FGGY: variants seen among roughly 807,000 people sequenced by gnomAD.
FGGY encodes the protein FGGY carbohydrate kinase domain containing, also known as FGGY carbohydrate kinase domain-containing protein.
In FGGY, 72 loss-of-function variants were observed where a neutral mutation model predicts 71.3. The ratio of observed to expected loss-of-function variants is 1.01; its 90% CI spans 0.84 to 1.23. The LOEUF is 1.23. Ranked by LOEUF, FGGY falls within the 50% of genes most tolerant of loss-of-function variation. The pLI is 0.00. For synonymous variants in FGGY, 251 were observed against 250.3 expected, an observed-to-expected ratio of 1.00 and a Z score of -0.02; for missense variants, 668 against 682.3, an observed-to-expected ratio of 0.98 and a Z score of 0.23.
At chr1:59,384,892 A>T (rs777901541) in intron 5 of FGGY, among the ~76,000 whole-genome samples, 1 of 152,184 alleles carries the variant, frequency 6.6e-6, no homozygotes, top group Non-Finnish European at 1.5e-5. Context: ...ATTCCAAAAA[A>T]ACTTTGGGTA....
intron 9 of FGGY, among the ~76,000 whole-genome samples, chr1:59,613,517 T>A (rs1273037420): frequency 1.3e-5 from 2 of 152,288 alleles, no homozygotes; most frequent in East Asian, 3.9e-4. Flanking sequence ...GGGAAATTTA[T>A]AGCACTAAAT....
At position 59,595,913 on chromosome 1, in the gene FGGY, T is replaced by C. The variant is rs571134131; in HGVS notation, c.904-11890T>C. 4.6e-4 allele frequency among the ~76,000 whole-genome samples: 70 copies of C among 152,288 alleles called. 1 individual carries two copies. The South Asian group carries it at 0.014, about 32-fold the overall frequency. On this transcript the variant is annotated intron_variant, in intron 8 of 15. Coordinates refer to ENST00000303721, the MANE Select transcript of FGGY (RefSeq NM_018291.5). ...CTGCTTCACATCGAAGGCATTTTGT[T>C]ATGATCTGTTCATAACAAAAGCTGC...
At chr1:59,466,167 A>G (rs2092612569) in intron 6 of FGGY, among the ~76,000 whole-genome samples, 1 of 152,218 alleles carries the variant, frequency 6.6e-6, no homozygotes, top group African/African-American at 2.4e-5. Context: ...ATATAGACCA[A>G]TGGAACAGAA....
chr1:59,309,325 T>C (rs2043902366), intron 1 of FGGY, among the ~76,000 whole-genome samples: 2 of 152,346 alleles, frequency 1.3e-5, no homozygotes, highest in South Asian at 4.1e-4. Flanking sequence ...TATTTTTCTA[T>C]GAACTATAAG....
intron 13 of FGGY, among the ~76,000 whole-genome samples, chr1:59,671,899 A>T (rs547682111): frequency 5.3e-5 from 8 of 152,176 alleles, no homozygotes; most frequent in Non-Finnish European, 8.8e-5. Flanking sequence ...GCAACTTGAG[A>T]GCTGATAGGG....
At chr1:59,501,566 A>T (rs559874355) in intron 6 of FGGY, among the ~76,000 whole-genome samples, 2 of 152,298 alleles carry the variant, frequency 1.3e-5, no homozygotes, top group East Asian at 3.9e-4. Context: ...AACTGTTTGC[A>T]TGGGTCTTGA....
At chr1:59,333,384 A>G (rs1479919660) in intron 2 of FGGY, among the ~76,000 whole-genome samples, 1 of 152,326 alleles carries the variant, frequency 6.6e-6, no homozygotes. Context: ...ATAAACTGCT[A>G]CTTACTGTGC....
intron 5 of FGGY, among the ~76,000 whole-genome samples, chr1:59,406,827 C>T (rs1167825681): frequency 6.6e-6 from 1 of 152,170 alleles, no homozygotes; most frequent in African/African-American, 2.4e-5. Context: ...ATATGATATG[C>T]ATATATTTAC....
At chr1:59,507,688 T>TC (rs1272946279) in intron 6 of FGGY, among the ~76,000 whole-genome samples, 2 of 137,082 alleles carry the variant, frequency 1.5e-5, no homozygotes, top group Non-Finnish European at 1.5e-5. Flanking sequence ...TGGCTAATTT[T>TC]TTTTTTTTTT....
At chr1:59,578,584 A>G (rs2488949) in intron 8 of FGGY, among the ~76,000 whole-genome samples, 33,186 of 152,014 alleles carry the variant, frequency 0.22, 5,210 homozygotes, top group African/African-American at 0.43. Context: ...TTATTATAAT[A>G]GAGTGTACAT....
At chr1:59,468,639 G>A (rs1019806059) in intron 6 of FGGY, among the ~76,000 whole-genome samples, 1 of 152,082 alleles carries the variant, frequency 6.6e-6, no homozygotes. Context: ...TTGGGAGGCC[G>A]AGGCAGGTGG....
At chr1:59,724,001 A>T (rs2097918901) in intron 14 of FGGY, among the ~76,000 whole-genome samples, 1 of 151,894 alleles carries the variant, frequency 6.6e-6, no homozygotes, top group African/African-American at 2.4e-5. Context: ...CGTCTCTACT[A>T]GAAATGCAAA....
chr1:59,318,150 T>G (rs895284761), intron 1 of FGGY, among the ~76,000 whole-genome samples: 4 of 152,230 alleles, frequency 2.6e-5, no homozygotes, highest in Admixed American at 2.6e-4. Context: ...CTGGAGCAAG[T>G]TACTTTACCT....
chr1:59,711,588 G>A (rs1053801251), intron 14 of FGGY, among the ~76,000 whole-genome samples: 7 of 152,174 alleles, frequency 4.6e-5, no homozygotes, highest in African/African-American at 9.7e-5. Context: ...CCGAGATTGG[G>A]CAATTTACAA....
intron 4 of FGGY, among the ~76,000 whole-genome samples, chr1:59,348,410 T>C (rs188321110): frequency 2.2e-3 from 329 of 152,292 alleles, no homozygotes; most frequent in African/African-American, 7.6e-3. Flanking sequence ...TGCAGGTGGC[T>C]CCCATTTCCA....
chr1:59,538,030 C>A (rs2095363576), intron 7 of FGGY, among the ~76,000 whole-genome samples: 3 of 152,044 alleles, frequency 2.0e-5, no homozygotes, highest in Admixed American at 6.5e-5. Flanking sequence ...TTCTGCACAG[C>A]AAAAGAAACT....
intron 1 of FGGY, among the ~76,000 whole-genome samples, chr1:59,320,023 T>C (rs561070871): frequency 6.6e-6 from 1 of 152,312 alleles, no homozygotes; most frequent in South Asian, 2.1e-4. Context: ...CTGGTGCTAA[T>C]GGTCATATGG....
chr1:59,721,362 G>C (rs1404328516), intron 14 of FGGY, among the ~76,000 whole-genome samples: 1 of 63,496 alleles, frequency 1.6e-5, no homozygotes, highest in Non-Finnish European at 2.6e-5. Context: ...TTTTTGAGAC[G>C]GAGTCTTGCT....
chr1:59,424,986 C>T (rs181777968), intron 5 of FGGY, among the ~76,000 whole-genome samples: 69 of 152,212 alleles, frequency 4.5e-4, no homozygotes, highest in Non-Finnish European at 8.4e-4. Flanking sequence ...AGACCAAATA[C>T]ATCTAGAATC....
Sources: allele counts gnomAD v4.1 joint callset (sites outside exome capture counted in the v4.1 genomes callset), GRCh38; gene constraint gnomAD v4.1.1; transcripts MANE v1.5; gene names NCBI Gene and HGNC (gene_info 2026-07-23, HGNC 2026-07-21).